The following CNTNAP2 variants were observed in gnomAD, a reference collection of about 807,000 sequenced individuals.
CNTNAP2 encodes the protein contactin-associated protein-like 2.
CNTNAP2 carries 98 observed loss-of-function variants against 155.2 expected under a neutral mutation model. That is an observed-to-expected ratio of 0.63 (90% CI 0.54 to 0.75). CNTNAP2 has a LOEUF of 0.75. Among genes scored for constraint, CNTNAP2 ranks in the 30% least tolerant of loss-of-function variants. The pLI is 0.00. For missense variants in CNTNAP2, 1,727 were observed against 1,688.1 expected (o/e 1.02, Z -0.40); for synonymous variants, 651 against 631.2 (o/e 1.03, Z -0.47).
chr7:147,262,927 T>C (rs1029126648), intron 8 of CNTNAP2, among the ~76,000 whole-genome samples: 1 of 152,158 alleles, frequency 6.6e-6, no homozygotes, highest in Non-Finnish European at 1.5e-5. Flanking sequence ...GAAATAAATA[T>C]CTATTGCTTA....
intron 2 of CNTNAP2, among the ~76,000 whole-genome samples, chr7:146,792,597 C>T (rs1405760118): frequency 2.0e-5 from 3 of 152,148 alleles, no homozygotes; most frequent in Admixed American, 6.5e-5. Context: ...AATAAGCATG[C>T]ATTGAGCTAA....
chr7:148,253,751 T>G (rs1013115946), intron 20 of CNTNAP2, among the ~76,000 whole-genome samples: 2 of 152,156 alleles, frequency 1.3e-5, no homozygotes, highest in African/African-American at 4.8e-5. Flanking sequence ...ACTGGGCAGG[T>G]GTAACTTCAG....
At chr7:147,028,938 A>G (rs1798973343) in intron 3 of CNTNAP2, among the ~76,000 whole-genome samples, 1 of 151,260 alleles carries the variant, frequency 6.6e-6, no homozygotes, top group Admixed American at 6.6e-5. Flanking sequence ...TCAAATAGAC[A>G]TATGCAAAAT....
chr7:147,408,415 G>T (rs1797045705), intron 10 of CNTNAP2, among the ~76,000 whole-genome samples: 1 of 152,162 alleles, frequency 6.6e-6, no homozygotes, highest in Non-Finnish European at 1.5e-5. Context: ...CAGACTGGCA[G>T]CTACTAGTGA....
intron 16 of CNTNAP2, among the ~76,000 whole-genome samples, chr7:148,145,231 T>C (rs1805153653): frequency 6.6e-6 from 1 of 152,178 alleles, no homozygotes; most frequent in Admixed American, 6.5e-5. Context: ...TGTATCCCAT[T>C]AGGGTGAGAG....
intron 11 of CNTNAP2, among the ~76,000 whole-genome samples, chr7:147,502,660 A>T (rs1175714021): frequency 6.6e-6 from 1 of 152,052 alleles, no homozygotes; most frequent in Non-Finnish European, 1.5e-5. Context: ...TCACACAAAA[A>T]AGAATATCTG....
chr7:147,266,020 C>T (rs1417804516), intron 8 of CNTNAP2, among the ~76,000 whole-genome samples: 1 of 152,042 alleles, frequency 6.6e-6, no homozygotes, highest in Non-Finnish European at 1.5e-5. Flanking sequence ...CAGACAAACT[C>T]ATGAAGATGA....
At chr7:147,435,507 A>G (rs560230548) in intron 10 of CNTNAP2, among the ~76,000 whole-genome samples, 8 of 152,370 alleles carry the variant, frequency 5.3e-5, no homozygotes, top group South Asian at 2.1e-4. Flanking sequence ...TGCAGCAAGA[A>G]GCAGACAAAA....
chr7:148,033,365 A>G (rs551035413), intron 15 of CNTNAP2, among the ~76,000 whole-genome samples: 1 of 134,658 alleles, frequency 7.4e-6, no homozygotes, highest in Non-Finnish European at 1.6e-5. Context: ...TTTCTTCTAA[A>G]AAAAAAAAAT....
chr7:146,215,780 T>C (rs539992966), intron 1 of CNTNAP2, among the ~76,000 whole-genome samples: 24 of 152,318 alleles, frequency 1.6e-4, no homozygotes, highest in African/African-American at 5.5e-4. Context: ...GTTGAACTTA[T>C]TGAATTCAGA....
intron 1 of CNTNAP2, among the ~76,000 whole-genome samples, chr7:146,681,645 A>G (rs1052426685): frequency 3.3e-4 from 24 of 72,218 alleles, no homozygotes; most frequent in Middle Eastern, 6.8e-3. Context: ...GAGAAAAGAG[A>G]GGAATGGGAA....
At chr7:148,214,315 T>C (rs1225170914) in intron 18 of CNTNAP2, among the ~76,000 whole-genome samples, 1 of 152,212 alleles carries the variant, frequency 6.6e-6, no homozygotes, top group Non-Finnish European at 1.5e-5. Context: ...ATTTAGGTAG[T>C]GAGATGGGGT....
intron 1 of CNTNAP2, among the ~76,000 whole-genome samples, chr7:146,764,570 A>C (rs1424528538): frequency 6.6e-6 from 1 of 151,892 alleles, no homozygotes; most frequent in Non-Finnish European, 1.5e-5. Flanking sequence ...TTTCTAGTAC[A>C]TTACAGTTCA....
intron 1 of CNTNAP2, among the ~76,000 whole-genome samples, chr7:146,671,731 T>G (rs12536865): frequency 6.6e-6 from 1 of 152,090 alleles, no homozygotes; most frequent in Non-Finnish European, 1.5e-5. Flanking sequence ...TAGCCTTATA[T>G]TTCTCCTTCC....
At chr7:146,615,583 A>C (rs1799210939) in intron 1 of CNTNAP2, among the ~76,000 whole-genome samples, 1 of 152,126 alleles carries the variant, frequency 6.6e-6, no homozygotes, top group Non-Finnish European at 1.5e-5. Context: ...AACACACATC[A>C]CTCTTGTGCA....
At chr7:147,298,485 A>C (rs1057208823) in intron 8 of CNTNAP2, among the ~76,000 whole-genome samples, 12 of 150,526 alleles carry the variant, frequency 8.0e-5, no homozygotes, top group Middle Eastern at 3.4e-3. Flanking sequence ...CCTAAAAAAA[A>C]CCCACAAAAC....
At chr7:146,536,589 T>TCCCC (rs1563124924) in intron 1 of CNTNAP2, among the ~76,000 whole-genome samples, 1 of 141,030 alleles carries the variant, frequency 7.1e-6, no homozygotes, top group African/African-American at 2.7e-5. Flanking sequence ...CTCCCCCATG[T>TCCCC]TCCCCCCCCA....
At chr7:146,634,291 G>C (rs1378142706) in intron 1 of CNTNAP2, among the ~76,000 whole-genome samples, 1 of 152,156 alleles carries the variant, frequency 6.6e-6, no homozygotes, top group African/African-American at 2.4e-5. Context: ...CGAATCCTCA[G>C]TCAGAAGAGA....
At chr7:147,703,449 A>G (rs1261584696) in intron 13 of CNTNAP2, among the ~76,000 whole-genome samples, 1 of 152,230 alleles carries the variant, frequency 6.6e-6, no homozygotes, top group Non-Finnish European at 1.5e-5. Flanking sequence ...CAGTTATGTT[A>G]GTAAATTGCT....
Sources: allele counts gnomAD v4.1 joint callset (sites outside exome capture counted in the v4.1 genomes callset), GRCh38; gene constraint gnomAD v4.1.1; transcripts MANE v1.5; gene names NCBI Gene and HGNC (gene_info 2026-07-23, HGNC 2026-07-21).